Variants in TSPAN16 observed in about 807,000 individuals in gnomAD.
TSPAN16 encodes the protein tetraspanin 16, also known as tetraspanin-16.
In TSPAN16, 23 loss-of-function variants were observed where a neutral mutation model predicts 25.2. The observed-to-expected ratio is 0.91, with a 90% CI of 0.66 to 1.29. The LOEUF (loss-of-function observed/expected upper bound fraction) is 1.29. TSPAN16 is among the 50% of genes most tolerant of loss of function. The pLI, the probability that TSPAN16 is intolerant of heterozygous loss-of-function variation, is 0.00. For missense variants in TSPAN16, 272 were observed against 299.9 expected, an observed-to-expected ratio of 0.91 and a Z score of 0.69; for synonymous variants, 123 against 124.4, an observed-to-expected ratio of 0.99 and a Z score of 0.08.
downstream of TSPAN16, among the ~76,000 whole-genome samples, chr19:11,320,122 C>CTTTTTTTTTTTTTTTT (rs373015307): frequency 4.2e-4 from 45 of 106,778 alleles, 4 homozygotes; most frequent in African/African-American, 6.1e-4. Context: ...CCGGCCAGGA[C>CTTTTTTTTTTTTTTTT]TTTTTTTTTT....
chr19:11,322,534 T>C (rs1014339594), intron 6 of TSPAN16: 2 of 152,176 alleles, frequency 1.3e-5, no homozygotes, highest in South Asian at 4.1e-4. Context: ...TTTGGTTTAA[T>C]GTGTCTGTAA....
chr19:11,312,070 G>T, intron 5 of TSPAN16, 69 bp from the exon 6 acceptor site: 1 of 1,215,376 alleles, frequency 8.2e-7, no homozygotes, highest in Non-Finnish European at 1.2e-6. Context: ...AATGAGTTGG[G>T]GTTGATGGGG....
chr19:11,299,018 G>A (rs541884800), intron 3 of TSPAN16, 72 bp downstream of exon 3: 33 of 1,468,866 alleles, frequency 2.2e-5, no homozygotes, highest in Non-Finnish European at 2.6e-5. Context: ...AGTGGCTCAC[G>A]CCTCTAATCC....
chr19:11,322,685 A>G (rs542489923), intron 6 of TSPAN16: 1 of 152,334 alleles, frequency 6.6e-6, no homozygotes, highest in East Asian at 1.9e-4. Flanking sequence ...AAATGTTCCC[A>G]TATTATTCCC....
chr19:11,298,832 G>C (rs1336746519), intron 2 of TSPAN16, 40 bp from the exon 3 acceptor site: 1 of 1,591,182 alleles, frequency 6.3e-7, no homozygotes, highest in East Asian at 2.2e-5. Flanking sequence ...GGAGGAGGCT[G>C]AGCAGGCTCC....
intron 4 of TSPAN16, among the ~76,000 whole-genome samples, chr19:11,302,667 A>ATATATATGTG (rs1555703601): frequency 2.4e-4 from 30 of 124,810 alleles, no homozygotes; most frequent in Middle Eastern, 3.6e-3. Context: ...ATACATATAT[A>ATATATATGTG]TATATATATA....
At chr19:11,305,506 G>A (rs2080616080) in intron 4 of TSPAN16, among the ~76,000 whole-genome samples, 2 of 150,796 alleles carry the variant, frequency 1.3e-5, no homozygotes, top group African/African-American at 4.9e-5. Context: ...CTCCAACCTG[G>A]GCAACAGACA....
chr19:11,304,681 C>T (rs1001059248), intron 4 of TSPAN16, among the ~76,000 whole-genome samples: 17 of 148,232 alleles, frequency 1.1e-4, no homozygotes, highest in East Asian at 3.9e-4. Flanking sequence ...CCTGCCATCA[C>T]GCCCGGCTAA....
chr19:11,326,389 A>G (rs1005406933), intron 6 of TSPAN16, among the ~76,000 whole-genome samples: 4 of 152,140 alleles, frequency 2.6e-5, no homozygotes, highest in Non-Finnish European at 4.4e-5. Context: ...TCAAAAACAA[A>G]ACAAAACGAA....
chr19:11,319,790 C>G (rs1035816604), downstream of TSPAN16, among the ~76,000 whole-genome samples: 2 of 152,020 alleles, frequency 1.3e-5, no homozygotes, highest in African/African-American at 4.8e-5. Context: ...CTCTCCAAAC[C>G]TGTCATTTAG....
chr19:11,303,961 T>C (rs2080598710), intron 4 of TSPAN16, among the ~76,000 whole-genome samples: 1 of 151,534 alleles, frequency 6.6e-6, no homozygotes, highest in Admixed American at 6.6e-5. Flanking sequence ...TTTTTGTCTC[T>C]AGTAGAGACA....
chr19:11,325,274 T>G, intron 6 of TSPAN16: 3 of 643,890 alleles, frequency 4.7e-6, no homozygotes, highest in East Asian at 2.8e-5. Flanking sequence ...CATGCAGGAG[T>G]CGGGGAGCAG....
At chr19:11,299,985 G>GAAAAAAAAAAAAAAA (rs60293071) in intron 3 of TSPAN16, among the ~76,000 whole-genome samples, 2 of 107,760 alleles carry the variant, frequency 1.9e-5, no homozygotes, top group African/African-American at 5.8e-5. Flanking sequence ...CTCAAAAAAA[G>GAAAAAAAAAAAAAAA]AAAAAAAAAA....
chr19:11,318,571 G>C (rs932507726), downstream of TSPAN16, among the ~76,000 whole-genome samples: 1 of 152,124 alleles, frequency 6.6e-6, no homozygotes, highest in African/African-American at 2.4e-5. Flanking sequence ...TGAACTCAGG[G>C]GTTCATTCAA....
chr19:11,311,256 C>T (rs2080688450), intron 5 of TSPAN16, among the ~76,000 whole-genome samples: 1 of 152,216 alleles, frequency 6.6e-6, no homozygotes. Flanking sequence ...CTGCCTCAGC[C>T]TCCCGAGTAG....
At position 11,306,689 on chromosome 19, in the gene TSPAN16, G is replaced by A. The variant is rs1192297420; in HGVS notation, c.536G>A (p.Cys179Tyr). 1 of 1,614,074 alleles carries A rather than the reference G, an allele frequency of 6.2e-7. No individual in the cohort carries two copies. Among genetic ancestry groups the A allele is most frequent in the East Asian group, 2.2e-5 (1 of 44,888 alleles). The change falls in exon 5 of 7, where the codon TGC becomes TAC. Residue 179 changes from cysteine (C) to tyrosine (Y), a missense_variant. Transcript: ENST00000590327. Reference sequence around the variant, plus strand: ...ACGGGCCACACCTACCCCAGGAGTTGCTGTAAATCCATCGGAAGTGTGTCC... The same window carrying A: ...ACGGGCCACACCTACCCCAGGAGTTACTGTAAATCCATCGGAAGTGTGTCC... ...MTTGHTYPRS[C>Y]CKSIGSVSCD...
chr19:11,316,879 G>C (rs936587111), downstream of TSPAN16, among the ~76,000 whole-genome samples: 2 of 147,002 alleles, frequency 1.4e-5, no homozygotes, highest in Non-Finnish European at 3.0e-5. Context: ...GTGTGATCTC[G>C]GCTTATTGCA....
chr19:11,325,565 T>C (rs939484219), intron 6 of TSPAN16: 6 of 1,611,748 alleles, frequency 3.7e-6, no homozygotes, highest in Non-Finnish European at 5.1e-6. Flanking sequence ...TCCTTGGCAC[T>C]GGCTTCAAAG....
In TSPAN16 at chr19:11,302,674, T is replaced by TAC. The variant is rs1388088474; in HGVS notation, c.450+1367_450+1368insCA. ...ATATACACATACATATATATATATATATATACACACACACACACACACACA... is the reference window on the plus strand; with the variant it reads ...ATATACACATACATATATATATATATACATATACACACACACACACACACACA... On this transcript the variant is annotated intron_variant, in intron 4 of 6. Transcript: ENST00000590327. Among the ~76,000 whole-genome samples the TAC allele has an allele frequency of 1.9e-3, 243 of 128,622 alleles. 1 individual carries two copies. Among genetic ancestry groups the TAC allele is most frequent in the African/African-American group, 9.3e-3 (233 of 24,956 alleles). 84.4% of individuals were successfully genotyped at this position (128,622 alleles called of 152,430 possible).
Sources: allele counts gnomAD v4.1 joint callset (sites outside exome capture counted in the v4.1 genomes callset), GRCh38; gene constraint gnomAD v4.1.1; transcripts MANE v1.5; gene names NCBI Gene and HGNC (gene_info 2026-07-23, HGNC 2026-07-21).